The following PTPRN2 variants were observed in gnomAD, a reference collection of about 807,000 sequenced individuals.
The protein encoded by PTPRN2 is protein tyrosine phosphatase receptor type N2, also known as receptor-type tyrosine-protein phosphatase N2.
PTPRN2 carries 74 observed loss-of-function variants against 118.8 expected under a neutral mutation model. The ratio of observed to expected loss-of-function variants is 0.62; its 90% CI spans 0.52 to 0.76. PTPRN2 has a LOEUF of 0.76. PTPRN2 is among the 30% of genes least tolerant of loss of function. The pLI, the probability that PTPRN2 is intolerant of heterozygous loss-of-function variation, is 0.00. For missense variants in PTPRN2, 1,481 were observed against 1,394.4 expected (o/e 1.06, Z -0.99); for synonymous variants, 641 against 608.0 (o/e 1.05, Z -0.80).
intron 12 of PTPRN2, among the ~76,000 whole-genome samples, chr7:157,765,490 C>T (rs1802401638): frequency 6.6e-6 from 1 of 151,338 alleles, no homozygotes; most frequent in African/African-American, 2.4e-5. Context: ...CCCACACACC[C>T]ACCCATCCAT....
At chr7:157,776,527 CCT>C (rs1375924706) in intron 12 of PTPRN2, among the ~76,000 whole-genome samples, 42 of 122,286 alleles carry the variant, frequency 3.4e-4, no homozygotes, top group African/African-American at 1.3e-3. Flanking sequence ...TTCTCCCTCT[CCT>C]CTCTCTCCTT....
chr7:157,803,326 G>C lies in PTPRN2; in HGVS notation c.1788+95347C>G, dbSNP rs75495362. Among the ~76,000 whole-genome samples the C allele has an allele frequency of 7.4e-3, 1,126 of 152,116 alleles. 39 individuals carry two copies. The South Asian group carries it at 0.11, about 15-fold the overall frequency. ...TGTGGTATGCAAATATTTCCTCCCC[G>C]GTGACCAGTAGGGGATGCAGAGACC... is the stretch of plus-strand genomic sequence containing the variant. On this transcript the variant is annotated intron_variant, in intron 12 of 22. Transcript: ENST00000389418.
intron 11 of PTPRN2, among the ~76,000 whole-genome samples, chr7:158,070,306 TCC>T (rs1811114256): frequency 7.2e-6 from 1 of 138,336 alleles, no homozygotes. Context: ...GTGGAGGTGC[TCC>T]TGGTGGTGGA....
intron 1 of PTPRN2, among the ~76,000 whole-genome samples, chr7:158,576,795 C>T (rs190751934): frequency 1.3e-3 from 204 of 151,864 alleles, no homozygotes; most frequent in African/African-American, 4.8e-3. Context: ...ACACTGAGGG[C>T]TCCCCACCCT....
rs61658248 is a variant in PTPRN2, at chr7:157,881,232, G to A, written c.1788+17441C>T. Among the ~76,000 whole-genome samples, 37 of 147,552 alleles carry A rather than the reference G, an allele frequency of 2.5e-4. No individual in the cohort carries two copies. Among genetic ancestry groups the A allele is most frequent in the African/African-American group, 5.7e-4 (22 of 38,462 alleles). The stretch of plus-strand genomic sequence containing the variant: ...TGGGGGTGTTTACAGTAGTCATTAT[G>A]GTAAAATGAGGTCATGATGGTATGT... On this transcript the variant is annotated intron_variant, in intron 12 of 22. Transcript: ENST00000389418. The surrounding 1 kb of genome is among the most constrained non-coding windows in gnomAD (Gnocchi z 4.7).
At chr7:158,150,072 G>A (rs1820808068) in intron 6 of PTPRN2, among the ~76,000 whole-genome samples, 1 of 152,210 alleles carries the variant, frequency 6.6e-6, no homozygotes, top group African/African-American at 2.4e-5. Flanking sequence ...AGAGTCATCT[G>A]AGGGAAGAGG....
At chr7:158,183,063 T>C (rs1824849187) in intron 5 of PTPRN2, among the ~76,000 whole-genome samples, 2 of 152,254 alleles carry the variant, frequency 1.3e-5, no homozygotes, top group Admixed American at 6.5e-5. Context: ...TGTCTCTTTT[T>C]ACTGTTGTTG....
intron 12 of PTPRN2, among the ~76,000 whole-genome samples, chr7:157,821,794 G>A (rs944860784): frequency 6.6e-6 from 1 of 152,092 alleles, no homozygotes; most frequent in Non-Finnish European, 1.5e-5. Flanking sequence ...GGAAACCAAT[G>A]GTTGTTGATG....
At chr7:157,546,467 C>T (rs1232403814) in intron 22 of PTPRN2, among the ~76,000 whole-genome samples, 2 of 152,174 alleles carry the variant, frequency 1.3e-5, no homozygotes, top group Admixed American at 1.3e-4. Flanking sequence ...TGTGCTATTC[C>T]CCTCCCAGTG....
chr7:158,099,780 C>A (rs1585434311), intron 10 of PTPRN2, among the ~76,000 whole-genome samples: 1 of 7,164 alleles, frequency 1.4e-4, no homozygotes, highest in Admixed American at 1.2e-3. Flanking sequence ...CTTCCTCCCC[C>A]CAACACATCC....
chr7:158,042,287 C>T (rs751708494), intron 11 of PTPRN2, among the ~76,000 whole-genome samples: 6 of 152,178 alleles, frequency 3.9e-5, no homozygotes, highest in Non-Finnish European at 8.8e-5. Context: ...ACTGCCCCAT[C>T]GTGCTTGACT....
intron 2 of PTPRN2, among the ~76,000 whole-genome samples, chr7:158,454,184 C>A (rs1733172): frequency 3.0e-5 from 4 of 134,596 alleles, no homozygotes; most frequent in African/African-American, 5.6e-5. Flanking sequence ...CAAGACACAA[C>A]GCACACAATC....
At chr7:157,586,014 G>A (rs563569366) in intron 17 of PTPRN2, among the ~76,000 whole-genome samples, 3 of 152,302 alleles carry the variant, frequency 2.0e-5, no homozygotes, top group African/African-American at 4.8e-5. Flanking sequence ...ATAAGGCAAC[G>A]TGAGAAACAG....
intron 2 of PTPRN2, among the ~76,000 whole-genome samples, chr7:158,358,098 C>T (rs1808535267): frequency 6.6e-6 from 1 of 152,254 alleles, no homozygotes; most frequent in African/African-American, 2.4e-5. Flanking sequence ...AATACATGAA[C>T]TCAGCCCAGG....
chr7:157,689,931 T>C (rs1016241551), intron 12 of PTPRN2, among the ~76,000 whole-genome samples: 2 of 152,168 alleles, frequency 1.3e-5, no homozygotes, highest in Non-Finnish European at 2.9e-5. Flanking sequence ...CGCCCCAAAA[T>C]GGGCTGAGAG....
intron 2 of PTPRN2, among the ~76,000 whole-genome samples, chr7:158,375,898 ACT>A (rs1423945264): frequency 2.6e-5 from 4 of 152,046 alleles, no homozygotes; most frequent in Non-Finnish European, 4.4e-5. Flanking sequence ...CATCCATCCC[ACT>A]GAGAGCCACC....
At chr7:158,129,675 G>T (rs927789288) in intron 9 of PTPRN2, among the ~76,000 whole-genome samples, 1 of 152,136 alleles carries the variant, frequency 6.6e-6, no homozygotes, top group Admixed American at 6.5e-5. Context: ...AGCACAGGGC[G>T]TTTGACCACC....
chr7:158,413,811 C>T (rs1814401433), intron 2 of PTPRN2, among the ~76,000 whole-genome samples: 1 of 152,160 alleles, frequency 6.6e-6, no homozygotes, highest in Admixed American at 6.5e-5. Context: ...CGGTCCTGAC[C>T]CAGCCTTTTC....
In PTPRN2 at chr7:157,598,057, C is replaced by T. The variant is rs775644025; in HGVS notation, c.2419-2742G>A. Among the ~76,000 whole-genome samples the T allele has an allele frequency of 6.6e-6, 1 of 152,206 alleles. No individual in the cohort carries two copies. Among genetic ancestry groups the T allele is most frequent in the East Asian group, 1.9e-4 (1 of 5,198 alleles). On this transcript the variant is annotated intron_variant, in intron 16 of 22. Coordinates refer to ENST00000389418, the MANE Select transcript of PTPRN2 (RefSeq NM_002847.5). The surrounding 1 kb of genome is among the most constrained non-coding windows in gnomAD (Gnocchi z 5.2). ...TCAAGCAAATACTTAACTGGCCACA[C>T]AGAGATTTTACTACATTTAAGGTTT...
Sources: gnomAD v4.1 joint callset for allele counts (sites outside exome capture counted in the v4.1 genomes callset) on GRCh38, gnomAD v4.1.1 for gene constraint, Gnocchi (gnomAD v3.1) non-coding constraint, MANE v1.5 for transcripts, NCBI Gene and HGNC (gene_info 2026-07-23, HGNC 2026-07-21) for gene names.